The following PCDH11Y variants were observed in gnomAD, a reference collection of about 807,000 sequenced individuals.
PCDH11Y encodes protocadherin-11 Y-linked.
For missense variants in PCDH11Y, 12 were observed against 224.8 expected, an observed-to-expected ratio of 0.05 and a Z score of 6.05; for synonymous variants, 9 against 83.6, an observed-to-expected ratio of 0.11 and a Z score of 4.87.
intron 2 of PCDH11Y, among the ~76,000 whole-genome samples, chrY:5,430,946 C>T: frequency 3.1e-5 from 1 of 32,156 alleles, no homozygotes; most frequent in African/African-American, 1.2e-4. Flanking sequence ...GGAAACTTCT[C>T]GCCCTGCATC....
intron 3 of PCDH11Y, chrY:5,573,352 G>T: frequency 1.1e-5 from 3 of 274,015 alleles, no homozygotes; most frequent in Non-Finnish European, 1.7e-5. Context: ...ATGGCTGGGG[G>T]TCTGGCAGGA....
At chrY:5,527,993 A>G (rs368750511) in intron 3 of PCDH11Y, among the ~76,000 whole-genome samples, 4 of 33,559 alleles carry the variant, frequency 1.2e-4, no homozygotes, top group African/African-American at 4.6e-4. Context: ...CTAGAATGCA[A>G]TTCTTATCCA....
chrY:5,068,598 C>T, intron 1 of PCDH11Y, among the ~76,000 whole-genome samples: 1 of 28,904 alleles, frequency 3.5e-5, no homozygotes, highest in African/African-American at 1.4e-4. Flanking sequence ...GACAGGGTCT[C>T]ACAGTGTTAC....
intron 2 of PCDH11Y, among the ~76,000 whole-genome samples, chrY:5,113,743 G>T: frequency 3.8e-5 from 1 of 26,055 alleles, no homozygotes; most frequent in African/African-American, 1.8e-4. Flanking sequence ...AAGAAAAAAA[G>T]CACATAAAAG....
At chrY:5,294,793 A>C (rs2053071625) in intron 2 of PCDH11Y, among the ~76,000 whole-genome samples, 1 of 32,993 alleles carries the variant, frequency 3.0e-5, no homozygotes, top group Non-Finnish European at 7.4e-5. Flanking sequence ...CCACCATTAC[A>C]GTGTTATACT....
intron 4 of PCDH11Y, among the ~76,000 whole-genome samples, chrY:5,619,264 T>C: frequency 6.1e-5 from 2 of 32,909 alleles, no homozygotes; most frequent in South Asian, 1.4e-3. Context: ...TTTCTTAAAA[T>C]TGATACTAAG....
At chrY:5,444,030 T>C in intron 2 of PCDH11Y, among the ~76,000 whole-genome samples, 1 of 32,689 alleles carries the variant, frequency 3.1e-5, no homozygotes, top group Admixed American at 2.8e-4. Context: ...ATAAAATGAA[T>C]ATCATCTAGC....
intron 1 of PCDH11Y, among the ~76,000 whole-genome samples, chrY:5,092,208 TACCCAAAGAGAGATGGTGTTTTCTC>T (rs2052742739): frequency 9.3e-5 from 3 of 32,175 alleles, no homozygotes; most frequent in Admixed American, 2.8e-4. Context: ...GGTGTTTTCT[TACCCAAAGAGAGATGGTGTTTTCTC>T]ACCCAAAGAG....
chrY:5,102,813 T>G, downstream of PCDH11Y, among the ~76,000 whole-genome samples: 1 of 32,888 alleles, frequency 3.0e-5, no homozygotes, highest in African/African-American at 1.2e-4. Context: ...TGGTTGTTAT[T>G]AGGTTTTTAT....
chrY:5,617,393 A>G (rs2053494699), intron 4 of PCDH11Y, among the ~76,000 whole-genome samples: 1 of 33,406 alleles, frequency 3.0e-5, no homozygotes, highest in Admixed American at 2.8e-4. Context: ...ATACCCTGTG[A>G]CTTTTCCTTT....
rs2124683249 is a variant in PCDH11Y at position 5,455,830 on chromosome Y, C to T, written c.3130-45227C>T. On this transcript the variant is annotated intron_variant, in intron 2 of 4. Transcript: ENST00000400457. ...GGATGGTACTAAACCATTCGTGAGT[C>T]GTCCAACTCCATGATCTAATTACCT... Among the ~76,000 whole-genome samples the T allele has an allele frequency of 9.1e-5, 3 of 33,011 alleles. No homozygotes were observed. In the East Asian group the frequency reaches 2.5e-3, roughly 27 times the overall value. 88.6% of individuals were successfully genotyped at this position (33,011 alleles called of 37,273 possible). A position where few individuals can be genotyped will look rare whatever the true frequency, so the allele number is the denominator to read the frequency against.
chrY:5,390,818 G>A, intron 2 of PCDH11Y, among the ~76,000 whole-genome samples: 1 of 32,875 alleles, frequency 3.0e-5, no homozygotes, highest in Non-Finnish European at 7.4e-5. Context: ...AACTCTAGCC[G>A]AAGGGTATTT....
chrY:5,397,224 C>T (rs1602919151), intron 2 of PCDH11Y, among the ~76,000 whole-genome samples: 1 of 32,759 alleles, frequency 3.1e-5, no homozygotes, highest in Non-Finnish European at 7.5e-5. Flanking sequence ...CAAGTTTTGC[C>T]CTTCTTTTAT....
At chrY:5,353,915 G>A (rs1602909935) in intron 2 of PCDH11Y, among the ~76,000 whole-genome samples, 4 of 32,605 alleles carry the variant, frequency 1.2e-4, no homozygotes, top group Admixed American at 2.8e-4. Context: ...GGAGAATTGC[G>A]TGAACCCGGG....
At chrY:5,414,537 A>T (rs2053251301) in intron 2 of PCDH11Y, among the ~76,000 whole-genome samples, 1 of 33,052 alleles carries the variant, frequency 3.0e-5, no homozygotes, top group African/African-American at 1.2e-4. Flanking sequence ...TGCCATGTGC[A>T]TGTATAAATA....
chrY:5,410,604 A>G, intron 2 of PCDH11Y, among the ~76,000 whole-genome samples: 1 of 32,288 alleles, frequency 3.1e-5, no homozygotes, highest in Non-Finnish European at 7.6e-5. Context: ...ATGTGACAGG[A>G]GTTAAATATA....
In PCDH11Y at chrY:5,280,062, A is replaced by G. The variant is rs551687765; in HGVS notation, c.3129+179355A>G. 4.4e-3 allele frequency among the ~76,000 whole-genome samples: 93 copies of G among 21,315 alleles called. No homozygotes were observed. In the South Asian group the frequency reaches 0.12, roughly 28 times the overall value. 57.2% of individuals were successfully genotyped at this position (21,315 alleles called of 37,273 possible). On this transcript the variant is annotated intron_variant, in intron 2 of 4. Transcript: ENST00000400457. ...GCTACTTGAAATACTAGCAAATATC[A>G]TATTTCGTTGCTATATATATTCATA...
At chrY:5,205,699 C>T in intron 2 of PCDH11Y, among the ~76,000 whole-genome samples, 1 of 26,226 alleles carries the variant, frequency 3.8e-5, no homozygotes, top group Non-Finnish European at 8.6e-5. Context: ...AAGATTTGTT[C>T]TCATTCCTCA....
At chrY:5,128,659 A>G in intron 2 of PCDH11Y, among the ~76,000 whole-genome samples, 1 of 33,267 alleles carries the variant, frequency 3.0e-5, no homozygotes, top group East Asian at 7.9e-4. Flanking sequence ...ATATGAGCAA[A>G]CAAGGATGAT....
Sources: allele counts gnomAD v4.1 joint callset (sites outside exome capture counted in the v4.1 genomes callset), GRCh38; gene constraint gnomAD v4.1.1; transcripts MANE v1.5; gene names NCBI Gene and HGNC (gene_info 2026-07-23, HGNC 2026-07-21).